The following TMEM196 variants were observed in gnomAD, a reference collection of about 807,000 sequenced individuals.
TMEM196 encodes the protein transmembrane protein 196.
Under a neutral mutation model 20.0 loss-of-function variants are expected in TMEM196, and 17 were observed. The ratio of observed to expected loss-of-function variants is 0.85; its 90% CI spans 0.58 to 1.27. The LOEUF is 1.27. Among genes scored for constraint, TMEM196 ranks in the 50% most tolerant of loss-of-function variants. The pLI, the probability that TMEM196 is intolerant of heterozygous loss-of-function variation, is 0.00. For synonymous variants in TMEM196, 113 were observed against 88.9 expected (o/e 1.27, Z -1.52); for missense variants, 267 against 223.0 (o/e 1.20, Z -1.26).
At chr7:19,763,076 G>A (rs925126778) in intron 1 of TMEM196, among the ~76,000 whole-genome samples, 1 of 152,110 alleles carries the variant, frequency 6.6e-6, no homozygotes, top group Non-Finnish European at 1.5e-5. Flanking sequence ...GCCTGGGTGT[G>A]CACACACAGA....
intron 1 of TMEM196, among the ~76,000 whole-genome samples, chr7:19,770,197 G>A (rs1238899559): frequency 2.6e-5 from 4 of 151,832 alleles, no homozygotes; most frequent in African/African-American, 7.3e-5. Context: ...TTTTGCCTCC[G>A]TATCTCTCTG....
intron 3 of TMEM196, among the ~76,000 whole-genome samples, chr7:19,725,293 C>T (rs985744840): frequency 1.3e-4 from 20 of 152,136 alleles, no homozygotes; most frequent in African/African-American, 4.8e-4. Flanking sequence ...ATTTTAAGCA[C>T]TGTGTTTTTG....
rs377289486 is a variant in TMEM196, at chr7:19,753,547, A to G, written c.147+19003T>C. On this transcript the variant is annotated intron_variant, in intron 1 of 4. Coordinates refer to ENST00000405844, the MANE Select transcript of TMEM196 (RefSeq NM_001363562.2). ...CATCTATAATTTTTCACGTAATTCCATTGCTCTTGGTGTTCCCTTCATTCT... is the reference window on the plus strand; with the variant it reads ...CATCTATAATTTTTCACGTAATTCCGTTGCTCTTGGTGTTCCCTTCATTCT... 1.1e-3 allele frequency among the ~76,000 whole-genome samples: 163 copies of G among 152,198 alleles called. 3 individuals carry two copies. Among genetic ancestry groups the G allele is most frequent in the African/African-American group, 3.8e-3 (157 of 41,528 alleles).
intron 1 of TMEM196, among the ~76,000 whole-genome samples, chr7:19,739,103 C>A: frequency 6.6e-6 from 1 of 152,042 alleles, no homozygotes; most frequent in East Asian, 1.9e-4. Flanking sequence ...TTGTGTTATA[C>A]ATTGGAGCAG....
chr7:19,760,153 T>C (rs1785379458), intron 1 of TMEM196, among the ~76,000 whole-genome samples: 1 of 152,066 alleles, frequency 6.6e-6, no homozygotes, highest in African/African-American at 2.4e-5. Context: ...CTTCATTCAG[T>C]TTCTGAAACA....
chr7:19,766,411 A>G (rs1347820051), intron 1 of TMEM196, among the ~76,000 whole-genome samples: 1 of 151,914 alleles, frequency 6.6e-6, no homozygotes, highest in Non-Finnish European at 1.5e-5. Flanking sequence ...CCGCAAGAAA[A>G]TTTCTCTAGA....
intron 1 of TMEM196, among the ~76,000 whole-genome samples, chr7:19,730,430 T>G (rs1035211168): frequency 1.3e-5 from 2 of 152,212 alleles, no homozygotes; most frequent in Non-Finnish European, 2.9e-5. Flanking sequence ...ATAGTTTAAT[T>G]TGAATAGAAA....
chr7:19,772,602 C>G lies in TMEM196; in HGVS notation c.95G>C (p.Ser32Thr), dbSNP rs1487413598. ...GVSSVAVGAV[S>T]FSLALREHKP... ...GTGCTCTCGGAGGGCCAGGCTGAAG[C>G]TGACCGCCCCCACGGCCACGCTGGA... The change falls in exon 1 of 5, where the codon AGC becomes ACC. Residue 32 changes from serine to threonine, a missense_variant. Coordinates refer to ENST00000405844, the MANE Select transcript of TMEM196 (RefSeq NM_001363562.2). 6.5e-6 allele frequency: 10 copies of G among 1,547,374 alleles called. No homozygotes were observed. The East Asian group carries it at 1.5e-4, about 23-fold the overall frequency.
At chr7:19,748,673 C>G (rs945985824) in intron 1 of TMEM196, among the ~76,000 whole-genome samples, 3 of 152,120 alleles carry the variant, frequency 2.0e-5, no homozygotes, top group African/African-American at 7.2e-5. Flanking sequence ...ATGCTGAACT[C>G]TCCAACGTAA....
In TMEM196 at chr7:19,772,728, G is replaced by A. The variant is rs1455813451; in HGVS notation, c.-32C>T. 9 of 1,454,176 alleles carry A rather than the reference G, an allele frequency of 6.2e-6. 1 individual carries two copies. In the South Asian group the frequency reaches 1.2e-4, roughly 20 times the overall value. The allele number at this position is 1,454,176 out of a possible 1,614,324, so 90.1% of individuals were successfully genotyped here. Reference sequence around the variant, plus strand: ...TCGGTCATCTTCCTTCCAGATCAGAGAGGGAAATCAACCATCTACCTTTTT... The same window carrying A: ...TCGGTCATCTTCCTTCCAGATCAGAAAGGGAAATCAACCATCTACCTTTTT... On this transcript the variant is annotated 5_prime_UTR_variant, in exon 1 of 5. Transcript: ENST00000405844.
chr7:19,745,074 C>A (rs1262532640), intron 1 of TMEM196, among the ~76,000 whole-genome samples: 1 of 152,056 alleles, frequency 6.6e-6, no homozygotes, highest in Non-Finnish European at 1.5e-5. Flanking sequence ...CCTTATGTAA[C>A]AAGGCACACT....
chr7:19,735,603 T>C (rs934289908), intron 1 of TMEM196, among the ~76,000 whole-genome samples: 1 of 152,124 alleles, frequency 6.6e-6, no homozygotes, highest in African/African-American at 2.4e-5. Flanking sequence ...ATTTTCCAGT[T>C]TGAATTATGT....
At chr7:19,738,572 G>C (rs1784483973) in intron 1 of TMEM196, among the ~76,000 whole-genome samples, 1 of 151,968 alleles carries the variant, frequency 6.6e-6, no homozygotes, top group South Asian at 2.1e-4. Flanking sequence ...GCTGAATTTT[G>C]GACTGGGGCA....
At position 19,719,327 on chromosome 7, in the gene TMEM196, A is replaced by C. The variant is rs1030792399; in HGVS notation, c.*2801T>G. 4 of 151,232 alleles carry C rather than the reference A, an allele frequency of 2.6e-5. No homozygotes were observed. The highest frequency in any genetic ancestry group is 5.9e-5 in the Non-Finnish European group (4 of 67,448). 9.4% of individuals were successfully genotyped at this position (151,232 alleles called of 1,614,324 possible). A position where few individuals can be genotyped will look rare whatever the true frequency, so the allele number is the denominator to read the frequency against. ...CCAACACCATATATAGTTTCAAAGC[A>C]CATCATTTTATTATAGACATGTCAG... is the stretch of plus-strand genomic sequence containing the variant. On this transcript the variant is annotated 3_prime_UTR_variant, in exon 5 of 5. Transcript: ENST00000405844.
At chr7:19,731,741 T>C (rs574291417) in intron 1 of TMEM196, among the ~76,000 whole-genome samples, 21 of 152,294 alleles carry the variant, frequency 1.4e-4, no homozygotes, top group African/African-American at 4.6e-4. Context: ...GGCAATAAAT[T>C]TGCTATTTTG....
intron 2 of TMEM196, among the ~76,000 whole-genome samples, chr7:19,726,976 G>A (rs1057197546): frequency 6.6e-6 from 1 of 152,010 alleles, no homozygotes; most frequent in South Asian, 2.1e-4. Flanking sequence ...TAGACTCATG[G>A]ATGAAAGGCA....
chr7:19,743,346 T>A (rs990856837), intron 1 of TMEM196, among the ~76,000 whole-genome samples: 1 of 152,168 alleles, frequency 6.6e-6, no homozygotes, highest in Non-Finnish European at 1.5e-5. Flanking sequence ...TTTCTCTGTT[T>A]GTTTCACTCT....
intron 1 of TMEM196, among the ~76,000 whole-genome samples, chr7:19,755,322 A>G (rs1785164062): frequency 6.6e-6 from 1 of 152,212 alleles, no homozygotes; most frequent in South Asian, 2.1e-4. Context: ...TAAAATATAT[A>G]TTAAACCTTT....
At chr7:19,744,544 A>C (rs1784684917) in intron 1 of TMEM196, among the ~76,000 whole-genome samples, 1 of 151,974 alleles carries the variant, frequency 6.6e-6, no homozygotes, top group Non-Finnish European at 1.5e-5. Flanking sequence ...AGCATAAAAA[A>C]CATGTGGGTT....
Sources: gnomAD v4.1 joint callset for allele counts (sites outside exome capture counted in the v4.1 genomes callset) on GRCh38, gnomAD v4.1.1 for gene constraint, MANE v1.5 for transcripts, NCBI Gene and HGNC (gene_info 2026-07-23, HGNC 2026-07-21) for gene names.